The following DLX3 variants were observed in gnomAD, a reference collection of about 807,000 sequenced individuals.
DLX3 encodes the protein distal-less homeobox 3, also known as homeobox protein DLX-3.
Under a neutral mutation model 28.0 loss-of-function variants are expected in DLX3, and 9 were observed. The observed-to-expected ratio is 0.32, with a 90% CI of 0.19 to 0.56. The LOEUF is 0.56. Among genes scored for constraint, DLX3 ranks in the 20% least tolerant of loss-of-function variants. DLX3 has a pLI of 0.91. For synonymous variants in DLX3, 154 were observed against 167.9 expected (o/e 0.92, Z 0.64); for missense variants, 313 against 378.2 (o/e 0.83, Z 1.43).
intron 1 of DLX3, 134 bp from the exon 2 acceptor site, chr17:49,993,724 C>T: frequency 9.5e-7 from 1 of 1,049,458 alleles, no homozygotes; most frequent in Non-Finnish European, 1.3e-6. Context: ...CCGCGCGCTC[C>T]GCTGCCCGCG....
rs1251853875 is a variant in DLX3, at chr17:49,993,427, G to T, written c.489C>A (p.Ala163=). Residue 163 remains alanine (A), a synonymous_variant, in exon 2 of 3, where the codon GCC becomes GCA. Transcript: ENST00000434704. ...GTGTCTGCGTGAGGCCCAGCTGCGC[G>T]GCCAGCTCGGCGCGCTCGGGCAGCG... ...YLALPERAEL[A]AQLGLTQTQV... 9 of 1,608,146 alleles carry T rather than the reference G, an allele frequency of 5.6e-6. No homozygotes were observed. The highest frequency in any genetic ancestry group is 6.8e-6 in the Non-Finnish European group (8 of 1,178,878).
chr17:49,991,939 G>A, intron 2 of DLX3, 75 bp from the exon 3 acceptor site: 1 of 1,450,072 alleles, frequency 6.9e-7, no homozygotes, highest in Admixed American at 1.8e-5. Flanking sequence ...ACCTAGCCAA[G>A]AAAAAGAAAG....
Position 49,995,170 on chromosome 17 carries a change from C to T in DLX3, c.-172G>A. On this transcript the variant is annotated 5_prime_UTR_variant, in exon 1 of 3. Coordinates refer to ENST00000434704, the MANE Select transcript of DLX3 (RefSeq NM_005220.3). ...CGAGAGGCGCTTACACCATTGCCTGCCGTCAGGCGGTCGCTGCGCGCCTCT... is the reference window on the plus strand; with the variant it reads ...CGAGAGGCGCTTACACCATTGCCTGTCGTCAGGCGGTCGCTGCGCGCCTCT... 1 of 795,552 alleles carries T rather than the reference C, an allele frequency of 1.3e-6. No homozygotes were observed. The highest frequency in any genetic ancestry group is 2.0e-6 in the Non-Finnish European group (1 of 492,314). 49.3% of individuals were successfully genotyped at this position (795,552 alleles called of 1,614,324 possible).
Position 49,991,800 on chromosome 17 carries a change from G to T in DLX3, c.581C>A (p.Pro194Gln). 1 of 1,614,096 alleles carries T rather than the reference G, an allele frequency of 6.2e-7. No individual in the cohort carries two copies. The highest frequency in any genetic ancestry group is 8.5e-7 in the Non-Finnish European group (1 of 1,180,016). ...ACTGTTATTGGGACTGTGCTCCAGC[G>T]GCACCTCCCCGTTCTTGTAGAGTTT... ...FKKLYKNGEVPLEHSPNNSDS... is the reference protein window; with the variant it reads ...FKKLYKNGEVQLEHSPNNSDS... The change falls in exon 3 of 3, where the codon CCG becomes CAG. Residue 194 changes from proline to glutamine, a missense_variant. Coordinates refer to ENST00000434704, the MANE Select transcript of DLX3 (RefSeq NM_005220.3).
In DLX3 at chr17:49,990,961, T is replaced by G. The variant is rs1053626222; in HGVS notation, c.*556A>C. 3 of 154,230 alleles carry G rather than the reference T, an allele frequency of 1.9e-5. No individual in the cohort carries two copies. The highest frequency in any genetic ancestry group is 7.2e-5 in the African/African-American group (3 of 41,472). The allele number at this position is 154,230 out of a possible 1,614,324, so 9.6% of individuals were successfully genotyped here. On this transcript the variant is annotated 3_prime_UTR_variant, in exon 3 of 3. Coordinates refer to ENST00000434704, the MANE Select transcript of DLX3 (RefSeq NM_005220.3). ...TCAAATCTTAAATGAGGGCTAGAAG[T>G]GCAGGGCGGTGACCAGTTCAGGTCC... is the stretch of plus-strand genomic sequence containing the variant.
chr17:49,991,469 C>T lies in DLX3; in HGVS notation c.*48G>A. 1 of 1,508,046 alleles carries T rather than the reference C, an allele frequency of 6.6e-7. No individual in the cohort carries two copies. Among genetic ancestry groups the T allele is most frequent in the Non-Finnish European group, 8.9e-7 (1 of 1,120,928 alleles). 93.4% of individuals were successfully genotyped at this position (1,508,046 alleles called of 1,614,324 possible). ...TGAGTGGCTAGGACGGAGGCGCCTT[C>T]TGCCTGGTCCTGGGGTCCTTTGTCA... On this transcript the variant is annotated 3_prime_UTR_variant, in exon 3 of 3. Transcript: ENST00000434704.
rs1201252049 is a variant in DLX3, at chr17:49,993,420, G to C, written c.496C>G (p.Leu166Val). The change falls in exon 2 of 3, where the codon CTG becomes GTG. Residue 166 changes from leucine to valine, a missense_variant. By Grantham distance (32) the Leu-to-Val change is conservative. Around this residue, in one of 3 missense-constraint regions of DLX3, gnomAD observed 10 missense variants for 35.2 expected, o/e 0.28. Transcript: ENST00000434704. The stretch of plus-strand genomic sequence containing the variant: ...CCAACCTGTGTCTGCGTGAGGCCCA[G>C]CTGCGCGGCCAGCTCGGCGCGCTCG... The part of the protein sequence containing the change: ...LPERAELAAQ[L>V]GLTQTQVKIW... 1.2e-6 allele frequency: 2 copies of C among 1,606,860 alleles called. No individual in the cohort carries two copies. Among genetic ancestry groups the C allele is most frequent in the Non-Finnish European group, 1.7e-6 (2 of 1,178,774 alleles).
intron 2 of DLX3, 36 bp downstream of exon 2, chr17:49,993,364 G>A (rs1399259304): frequency 2.6e-6 from 4 of 1,548,558 alleles, no homozygotes; most frequent in East Asian, 2.4e-5. Context: ...ACGGGGTCCC[G>A]CGCGCCCCCG....
At position 49,991,328 on chromosome 17, in the gene DLX3, G is replaced by A. The variant is rs993032828; in HGVS notation, c.*189C>T. 11 of 601,592 alleles carry A rather than the reference G, an allele frequency of 1.8e-5. No individual in the cohort carries two copies. Among genetic ancestry groups the A allele is most frequent in the African/African-American group, 5.6e-5 (3 of 53,906 alleles). 37.3% of individuals were successfully genotyped at this position (601,592 alleles called of 1,614,324 possible). On this transcript the variant is annotated 3_prime_UTR_variant, in exon 3 of 3. Coordinates refer to ENST00000434704, the MANE Select transcript of DLX3 (RefSeq NM_005220.3). ...CCAGTGTCTAGGCAGAGGGAGGGAG[G>A]TTCAGGGGGCATCCTTGGTCCATGC...
At position 49,995,183 on chromosome 17, in the gene DLX3, G is replaced by C; in HGVS notation, c.-185C>G. On this transcript the variant is annotated 5_prime_UTR_variant, in exon 1 of 3. Transcript: ENST00000434704. The stretch of plus-strand genomic sequence containing the variant: ...CACCATTGCCTGCCGTCAGGCGGTC[G>C]CTGCGCGCCTCTCCTCGCGTCCCAA... 2 of 728,514 alleles carry C rather than the reference G, an allele frequency of 2.7e-6. No individual in the cohort carries two copies. Among genetic ancestry groups the C allele is most frequent in the Non-Finnish European group, 4.6e-6 (2 of 436,418 alleles). The allele number at this position is 728,514 out of a possible 1,614,324, so 45.1% of individuals were successfully genotyped here.
At position 49,995,170 on chromosome 17, in the gene DLX3, C is replaced by A. The variant is rs1906235163; in HGVS notation, c.-172G>T. 1 of 795,552 alleles carries A rather than the reference C, an allele frequency of 1.3e-6. No individual in the cohort carries two copies. 49.3% of individuals were successfully genotyped at this position (795,552 alleles called of 1,614,324 possible). On this transcript the variant is annotated 5_prime_UTR_variant, in exon 1 of 3. Coordinates refer to ENST00000434704, the MANE Select transcript of DLX3 (RefSeq NM_005220.3). ...CGAGAGGCGCTTACACCATTGCCTG[C>A]CGTCAGGCGGTCGCTGCGCGCCTCT...
intron 1 of DLX3, 21 bp downstream of exon 1, chr17:49,994,653 T>A: frequency 6.2e-7 from 1 of 1,613,864 alleles, no homozygotes. Context: ...CCCACTGTCC[T>A]CGCGACCCCG....
rs775686556 is a variant in DLX3 at position 49,993,436 on chromosome 17, G to A, written c.480C>T (p.Ala160=). The A allele has an allele frequency of 6.2e-7, 1 of 1,609,516 alleles. No homozygotes were observed. Among genetic ancestry groups the A allele is most frequent in the Non-Finnish European group, 8.5e-7 (1 of 1,179,002 alleles). ...KAQYLALPER[A]ELAAQLGLTQ... ...TGAGGCCCAGCTGCGCGGCCAGCTC[G>A]GCGCGCTCGGGCAGCGCCAGGTACT... Residue 160 remains alanine, a synonymous_variant, in exon 2 of 3, where the codon GCC becomes GCT. Coordinates refer to ENST00000434704, the MANE Select transcript of DLX3 (RefSeq NM_005220.3).
At chr17:49,992,303 AGACAC>A (rs1906119296) in intron 2 of DLX3, among the ~76,000 whole-genome samples, 1 of 152,314 alleles carries the variant, frequency 6.6e-6, no homozygotes, top group African/African-American at 2.4e-5. Flanking sequence ...CATTCACATT[AGACAC>A]CCATAAGCAG....
chr17:49,993,735 G>C (rs1053432722), intron 1 of DLX3, 145 bp from the exon 2 acceptor site: 1 of 870,796 alleles, frequency 1.1e-6, no homozygotes, highest in African/African-American at 1.8e-5. Flanking sequence ...GCTGCCCGCG[G>C]CCCAGGGGGG....
At chr17:49,992,204 C>A (rs954411700) in intron 2 of DLX3, among the ~76,000 whole-genome samples, 1 of 152,006 alleles carries the variant, frequency 6.6e-6, no homozygotes, top group African/African-American at 2.4e-5. Flanking sequence ...AAATAAGGTA[C>A]GACATATAAA....
chr17:49,993,714 C>T (rs1237017591), intron 1 of DLX3, 124 bp from the exon 2 acceptor site: 1 of 1,129,034 alleles, frequency 8.9e-7, no homozygotes, highest in Non-Finnish European at 1.2e-6. Context: ...GGATTCCCGG[C>T]CGCGCGCTCC....
intron 1 of DLX3, 169 bp from the exon 2 acceptor site, chr17:49,993,759 G>A (rs1906184607): frequency 3.2e-6 from 2 of 632,268 alleles, no homozygotes; most frequent in South Asian, 3.1e-5. Context: ...CGCGGCCCCA[G>A]AGCCAGAACT....
At position 49,994,677 on chromosome 17, in the gene DLX3, G is replaced by T. The variant is rs1257609206; in HGVS notation, c.322C>A (p.Pro108Thr). The T allele has an allele frequency of 2.5e-6, 4 of 1,614,070 alleles. No individual in the cohort carries two copies. Among genetic ancestry groups the T allele is most frequent in the Admixed American group, 1.7e-5 (1 of 60,032 alleles). ...YREQPLPAQD[P>T]VSVKEEPEAE... ...CTCGCGACCCCGTGGCCCTCACCTGGGTCCTGGGCTGGCAGCGGCTGCTCC... is the reference window on the plus strand; with the variant it reads ...CTCGCGACCCCGTGGCCCTCACCTGTGTCCTGGGCTGGCAGCGGCTGCTCC... The change falls in exon 1 of 3, where the codon CCA (proline) becomes ACA (threonine). Residue 108 changes from proline to threonine, a missense_variant. By Grantham distance (38) the Pro-to-Thr change is conservative. This residue lies in a region of DLX3 where 183 missense variants were observed against 197.7 expected (regional missense o/e 0.93). Coordinates refer to ENST00000434704, the MANE Select transcript of DLX3 (RefSeq NM_005220.3).
Sources: gnomAD v4.1 joint callset for allele counts (sites outside exome capture counted in the v4.1 genomes callset) on GRCh38, gnomAD v4.1.1 for gene constraint, gnomAD v4.1.1 regional missense constraint, MANE v1.5 for transcripts, NCBI Gene and HGNC (gene_info 2026-07-23, HGNC 2026-07-21) for gene names.